The following TNFRSF10B variants were observed in gnomAD, a reference collection of about 807,000 sequenced individuals.
TNFRSF10B encodes the protein TNF receptor superfamily member 10b.
A neutral mutation model predicts 41.4 loss-of-function variants in TNFRSF10B; 35 were observed. The ratio of observed to expected loss-of-function variants is 0.85; its 90% CI spans 0.65 to 1.12. TNFRSF10B has a LOEUF of 1.12. TNFRSF10B is among the 50% of genes most tolerant of loss of function. The pLI is 0.00. For synonymous variants in TNFRSF10B, 230 were observed against 215.5 expected (o/e 1.07, Z -0.59); for missense variants, 584 against 552.7 (o/e 1.06, Z -0.57).
intron 2 of TNFRSF10B, among the ~76,000 whole-genome samples, chr8:23,039,655 G>A (rs1812114141): frequency 6.6e-6 from 1 of 152,152 alleles, no homozygotes; most frequent in African/African-American, 2.4e-5. Flanking sequence ...GGGTAACCAA[G>A]TTGACACATA....
intron 2 of TNFRSF10B, among the ~76,000 whole-genome samples, chr8:23,041,388 C>T (rs1812197400): frequency 6.6e-6 from 1 of 151,776 alleles, no homozygotes; most frequent in Admixed American, 6.6e-5. Flanking sequence ...AATTTTGGAC[C>T]CAGCGCAGTG....
At chr8:23,038,876 C>T (rs1277866391) in intron 2 of TNFRSF10B, among the ~76,000 whole-genome samples, 2 of 152,042 alleles carry the variant, frequency 1.3e-5, no homozygotes, top group East Asian at 3.9e-4. Flanking sequence ...AATTTTTCCA[C>T]GGACTGGAGT....
intron 1 of TNFRSF10B, among the ~76,000 whole-genome samples, chr8:23,045,669 A>T (rs988120366): frequency 2.3e-4 from 35 of 152,252 alleles, no homozygotes; most frequent in African/African-American, 8.2e-4. Context: ...TCTAATAAAC[A>T]CAGATGCAAA....
rs189073621 is a variant in TNFRSF10B at position 23,022,344 on chromosome 8, A to C, written c.*327T>G. ...GTAGATGGATCTTACAATGTAGCCC[A>C]AATAAATAAATAAAGCATTTACATT... On this transcript the variant is annotated 3_prime_UTR_variant, in exon 9 of 9. Coordinates refer to ENST00000276431, the MANE Select transcript of TNFRSF10B (RefSeq NM_003842.5). 2.1e-6 allele frequency: 1 copy of C among 478,720 alleles called. No homozygotes were observed. Among genetic ancestry groups the C allele is most frequent in the Non-Finnish European group, 4.1e-6 (1 of 243,724 alleles). The allele number at this position is 478,720 out of a possible 1,614,324, so 29.7% of individuals were successfully genotyped here. A position where few individuals can be genotyped will look rare whatever the true frequency, so the allele number is the denominator to read the frequency against.
At chr8:23,051,060 G>A (rs150281099) in intron 1 of TNFRSF10B, among the ~76,000 whole-genome samples, 60 of 152,210 alleles carry the variant, frequency 3.9e-4, no homozygotes, top group Non-Finnish European at 6.9e-4. Context: ...GGCAGTAGAG[G>A]GAGACTGAAA....
chr8:23,055,789 C>T (rs904303265), intron 1 of TNFRSF10B, among the ~76,000 whole-genome samples: 1 of 152,118 alleles, frequency 6.6e-6, no homozygotes, highest in African/African-American at 2.4e-5. Context: ...CACCTGGACC[C>T]ATTTAGATTA....
rs1357058260 is a variant in TNFRSF10B, at chr8:23,021,260, G to C, written c.*1411C>G. On this transcript the variant is annotated 3_prime_UTR_variant, in exon 9 of 9. Transcript: ENST00000276431. The stretch of plus-strand genomic sequence containing the variant: ...AGCCATTCTAGGTCCTGTTGCCACA[G>C]TGTTTAAGAATTGACATTTCTGAGA... 3 of 454,036 alleles carry C rather than the reference G, an allele frequency of 6.6e-6. No individual in the cohort carries two copies. Among genetic ancestry groups the C allele is most frequent in the Non-Finnish European group, 1.3e-5 (3 of 226,812 alleles). The allele number at this position is 454,036 out of a possible 1,614,324, so 28.1% of individuals were successfully genotyped here. A position where few individuals can be genotyped will look rare whatever the true frequency, so the allele number is the denominator to read the frequency against.
At chr8:23,068,631 C>G in intron 1 of TNFRSF10B, 120 bp downstream of exon 1, 1 of 1,439,196 alleles carries the variant, frequency 6.9e-7, no homozygotes, top group Non-Finnish European at 9.2e-7. Context: ...GCGTCTTGCC[C>G]GGACATGCCC....
Position 23,020,399 on chromosome 8 carries a change from T to C in TNFRSF10B, c.*2272A>G, listed in dbSNP as rs936979234. The C allele has an allele frequency of 4.4e-6, 2 of 454,010 alleles. No homozygotes were observed. The highest frequency in any genetic ancestry group is 8.8e-6 in the Non-Finnish European group (2 of 226,796). The allele number at this position is 454,010 out of a possible 1,614,324, so 28.1% of individuals were successfully genotyped here. ...TATTTCATGTCGTCAGGAAGCTTACTTTAAAAGAATAGCTTGGCCTGGCTG... is the reference window on the plus strand; with the variant it reads ...TATTTCATGTCGTCAGGAAGCTTACCTTAAAAGAATAGCTTGGCCTGGCTG... On this transcript the variant is annotated 3_prime_UTR_variant, in exon 9 of 9. Transcript: ENST00000276431.
At position 23,020,211 on chromosome 8, in the gene TNFRSF10B, G is replaced by GTT. The variant is rs760319897; in HGVS notation, c.*2458_*2459dup. The GTT allele has an allele frequency of 3.1e-5, 14 of 448,014 alleles. No individual in the cohort carries two copies. Among genetic ancestry groups the GTT allele is most frequent in the South Asian group, 6.2e-5 (4 of 64,128 alleles). 27.8% of individuals were successfully genotyped at this position (448,014 alleles called of 1,614,324 possible). On this transcript the variant is annotated 3_prime_UTR_variant, in exon 9 of 9. Transcript: ENST00000276431. ...TATTTTGTACACAATGTGCTTCCTT[G>GTT]TTTGTATTATAACACATTTCAAATA...
intron 2 of TNFRSF10B, among the ~76,000 whole-genome samples, chr8:23,041,180 TC>T (rs2128815198): frequency 6.6e-6 from 1 of 151,858 alleles, no homozygotes; most frequent in South Asian, 2.1e-4. Flanking sequence ...TGCCTCAGCC[TC>T]CCAAGTAGCT....
Position 23,020,633 on chromosome 8 carries a change from A to G in TNFRSF10B, c.*2038T>C, listed in dbSNP as rs1259143331. 2 of 453,530 alleles carry G rather than the reference A, an allele frequency of 4.4e-6. No individual in the cohort carries two copies. Among genetic ancestry groups the G allele is most frequent in the African/African-American group, 4.0e-5 (2 of 49,980 alleles). The allele number at this position is 453,530 out of a possible 1,614,324, so 28.1% of individuals were successfully genotyped here. On this transcript the variant is annotated 3_prime_UTR_variant, in exon 9 of 9. Transcript: ENST00000276431. ...CTTGAACCCAGGAGGCGGAGGTTGC[A>G]CTGAGCCAAGATCGTACCGTTGCAC... is the stretch of plus-strand genomic sequence containing the variant.
chr8:23,023,723 T>A (rs763908549), intron 8 of TNFRSF10B, among the ~76,000 whole-genome samples: 8 of 152,206 alleles, frequency 5.3e-5, no homozygotes, highest in Non-Finnish European at 1.2e-4. Context: ...TAATTTAATA[T>A]ACAATCAATA....
Position 23,028,358 on chromosome 8 carries a change from G to C in TNFRSF10B, c.721C>G (p.Leu241Val). The change falls in exon 5 of 9, where the codon CTT becomes GTT. Residue 241 changes from leucine (L) to valine (V), a missense_variant. Physicochemically the swap from Leu to Val is conservative, Grantham distance 32. Transcript: ENST00000276431. ...VCKSLLWKKV[L>V]PYLKGICSGG... is the part of the protein sequence containing the mutation. The stretch of plus-strand genomic sequence containing the variant: ...GAGCAGATGCCTTTCAGGTAAGGAA[G>C]GACTTTCTTCCACAGTAAAGACTTG... 1 of 1,614,144 alleles carries C rather than the reference G, an allele frequency of 6.2e-7. No homozygotes were observed.
chr8:23,060,504 T>A (rs1812802269), intron 1 of TNFRSF10B, among the ~76,000 whole-genome samples: 1 of 152,236 alleles, frequency 6.6e-6, no homozygotes, highest in South Asian at 2.1e-4. Context: ...TCGATTTATC[T>A]GCTTTTATGT....
At chr8:23,029,521 G>A (rs1293868168) in intron 4 of TNFRSF10B, 89 bp downstream of exon 4, 2 of 1,294,778 alleles carry the variant, frequency 1.5e-6, no homozygotes, top group Non-Finnish European at 1.1e-6. Flanking sequence ...CCCCTTGCGG[G>A]TGCTGTCAGG....
At position 23,022,754 on chromosome 8, in the gene TNFRSF10B, C is replaced by G. The variant is rs1811574455; in HGVS notation, c.1240G>C (p.Ala414Pro). ...AAGTGGTCCTCAATCTTCTGCTTGG[C>G]AAGTCTCTCTCCCAGCGTCTCCAAG... ...DALETLGERL[A>P]KQKIEDHLLS... Residue 414 changes from alanine (A) to proline (P), a missense_variant, in exon 9 of 9, where the codon GCC becomes CCC. By Grantham distance (27) the Ala-to-Pro change is conservative. Coordinates refer to ENST00000276431, the MANE Select transcript of TNFRSF10B (RefSeq NM_003842.5). 1 of 1,613,866 alleles carries G rather than the reference C, an allele frequency of 6.2e-7. No individual in the cohort carries two copies. Among genetic ancestry groups the G allele is most frequent in the African/African-American group, 1.3e-5 (1 of 74,848 alleles).
At chr8:23,028,089 C>T in intron 5 of TNFRSF10B, 1 of 615,310 alleles carries the variant, frequency 1.6e-6, no homozygotes, top group Middle Eastern at 4.4e-4. Context: ...AGGAACTGGC[C>T]CTGCCCTCCT....
intron 1 of TNFRSF10B, among the ~76,000 whole-genome samples, chr8:23,066,798 G>A (rs548682380): frequency 2.0e-5 from 3 of 152,112 alleles, no homozygotes; most frequent in African/African-American, 7.2e-5. Context: ...ACGGGATGCT[G>A]AGGCAGGAGA....
Sources: allele counts gnomAD v4.1 joint callset (sites outside exome capture counted in the v4.1 genomes callset), GRCh38; gene constraint gnomAD v4.1.1; transcripts MANE v1.5; gene names NCBI Gene and HGNC (gene_info 2026-07-23, HGNC 2026-07-21).